Variants in RBFOX1 observed in about 807,000 individuals in gnomAD.
RBFOX1 encodes RNA binding fox-1 homolog 1, also known as RNA binding protein fox-1 homolog 1.
In RBFOX1, 8 loss-of-function variants were observed where a neutral mutation model predicts 57.7. The observed-to-expected ratio is 0.14, with a 90% CI of 0.08 to 0.25. The LOEUF (loss-of-function observed/expected upper bound fraction) is 0.25, where lower values mean the gene tolerates loss of function less well. RBFOX1 is among the 10% of genes least tolerant of loss of function. RBFOX1 has a pLI of 1.00. For missense variants in RBFOX1, 611 were observed against 548.5 expected, an observed-to-expected ratio of 1.11 and a Z score of -1.14; for synonymous variants, 326 against 222.4, an observed-to-expected ratio of 1.47 and a Z score of -4.15.
At chr16:6,665,801 A>T (rs1463362729) in intron 3 of RBFOX1, among the ~76,000 whole-genome samples, 1 of 152,190 alleles carries the variant, frequency 6.6e-6, no homozygotes. Flanking sequence ...TTGAATCCTT[A>T]GAAAGATCCT....
chr16:6,464,641 A>C (rs2094998336), intron 2 of RBFOX1, among the ~76,000 whole-genome samples: 1 of 152,216 alleles, frequency 6.6e-6, no homozygotes, highest in African/African-American at 2.4e-5. Flanking sequence ...ATTTAGCCCT[A>C]ACATCGCTGC....
chr16:6,459,331 A>G (rs997363416), intron 2 of RBFOX1, among the ~76,000 whole-genome samples: 5 of 152,152 alleles, frequency 3.3e-5, no homozygotes, highest in African/African-American at 9.7e-5. Context: ...GGGCGAAATC[A>G]GCAAGTTTTC....
At chr16:7,107,369 C>T (rs534534150) in intron 4 of RBFOX1, among the ~76,000 whole-genome samples, 1 of 152,114 alleles carries the variant, frequency 6.6e-6, no homozygotes, top group Non-Finnish European at 1.5e-5. Flanking sequence ...TTAGCTCAAA[C>T]TGGAAGGGGG....
At chr16:6,778,319 C>T (rs1294550744) in intron 3 of RBFOX1, among the ~76,000 whole-genome samples, 2 of 152,062 alleles carry the variant, frequency 1.3e-5, no homozygotes, top group East Asian at 1.9e-4. Context: ...AACATGATTC[C>T]TCATGTACCC....
At chr16:5,838,716 G>A (rs2056538175) in intron 3 of RBFOX1, 1 of 152,198 alleles carries the variant, frequency 6.6e-6, no homozygotes. Context: ...TTGGATGGAT[G>A]AATATCTTCA....
At chr16:6,734,123 C>T (rs9646300) in intron 3 of RBFOX1, among the ~76,000 whole-genome samples, 137,791 of 152,158 alleles carry the variant, frequency 0.91, 64,033 homozygotes, top group East Asian at 1. Flanking sequence ...CACAGGGATC[C>T]GCCAGAATTA....
chr16:6,667,803 C>A (rs1330604433), intron 3 of RBFOX1, among the ~76,000 whole-genome samples: 1 of 152,022 alleles, frequency 6.6e-6, no homozygotes, highest in Non-Finnish European at 1.5e-5. Flanking sequence ...GGAGAAGGAT[C>A]TCTGGAGCCC....
intron 3 of RBFOX1, among the ~76,000 whole-genome samples, chr16:6,815,291 C>T (rs192113788): frequency 4.1e-4 from 62 of 152,206 alleles, no homozygotes; most frequent in African/African-American, 1.4e-3. Flanking sequence ...TTGCCACTTG[C>T]TATTTTATTT....
At chr16:6,980,206 G>C (rs1453734831) in intron 3 of RBFOX1, among the ~76,000 whole-genome samples, 2 of 152,164 alleles carry the variant, frequency 1.3e-5, no homozygotes, top group Non-Finnish European at 2.9e-5. Context: ...AGCAATTCTA[G>C]CTGATATAAC....
At chr16:7,372,230 C>T (rs540965558) in intron 4 of RBFOX1, among the ~76,000 whole-genome samples, 109 of 152,152 alleles carry the variant, frequency 7.2e-4, no homozygotes, top group Non-Finnish European at 1.2e-3. Context: ...ATTTGGGCCT[C>T]GGAGCTGGAG....
chr16:5,958,589 G>A (rs920570461), intron 4 of RBFOX1, among the ~76,000 whole-genome samples: 2 of 152,198 alleles, frequency 1.3e-5, no homozygotes, highest in African/African-American at 2.4e-5. Context: ...GATAATACAG[G>A]TGTATTACTT....
chr16:6,066,028 G>A (rs1486414945), intron 1 of RBFOX1, among the ~76,000 whole-genome samples: 1 of 152,098 alleles, frequency 6.6e-6, no homozygotes, highest in Non-Finnish European at 1.5e-5. Context: ...AGGTATAATT[G>A]CTCATGCCTG....
At chr16:6,604,385 C>T (rs892270739) in intron 2 of RBFOX1, among the ~76,000 whole-genome samples, 2 of 151,930 alleles carry the variant, frequency 1.3e-5, no homozygotes, top group Non-Finnish European at 2.9e-5. Flanking sequence ...CTTTGTTGCC[C>T]AAGCAGGACT....
intron 2 of RBFOX1, among the ~76,000 whole-genome samples, chr16:5,525,440 T>G (rs2044202544): frequency 6.7e-6 from 1 of 148,598 alleles, no homozygotes; most frequent in South Asian, 2.2e-4. Flanking sequence ...TCACACAGGG[T>G]GGGCAGAGCT....
intron 3 of RBFOX1, among the ~76,000 whole-genome samples, chr16:5,737,149 A>G (rs1435254816): frequency 6.6e-6 from 1 of 152,084 alleles, no homozygotes; most frequent in Non-Finnish European, 1.5e-5. Flanking sequence ...TCATGTCAGC[A>G]ATCAGTGTCA....
chr16:6,279,903 T>A (rs2076202672), intron 1 of RBFOX1, among the ~76,000 whole-genome samples: 1 of 152,038 alleles, frequency 6.6e-6, no homozygotes, highest in South Asian at 2.1e-4. Flanking sequence ...ATTTTTTTTT[T>A]AATGATCTGG....
At chr16:7,240,490 T>C (rs576087937) in intron 4 of RBFOX1, among the ~76,000 whole-genome samples, 2 of 152,260 alleles carry the variant, frequency 1.3e-5, no homozygotes, top group African/African-American at 4.8e-5. Context: ...AGTATGTTAT[T>C]TTATTGTATT....
At chr16:5,892,553 A>G (rs1177995571) in intron 4 of RBFOX1, among the ~76,000 whole-genome samples, 1 of 152,200 alleles carries the variant, frequency 6.6e-6, no homozygotes, top group Non-Finnish European at 1.5e-5. Context: ...AAGCAATGAG[A>G]GACGAGCTGT....
At chr16:6,434,409 C>T (rs2094179936) in intron 2 of RBFOX1, among the ~76,000 whole-genome samples, 1 of 152,136 alleles carries the variant, frequency 6.6e-6, no homozygotes, top group Non-Finnish European at 1.5e-5. Flanking sequence ...GGCTCCTCAG[C>T]CTTCCTGCAA....
Sources: allele counts gnomAD v4.1 joint callset (sites outside exome capture counted in the v4.1 genomes callset), GRCh38; gene constraint gnomAD v4.1.1; transcripts MANE v1.5; gene names NCBI Gene and HGNC (gene_info 2026-07-23, HGNC 2026-07-21).